The following ABCC11 variants were observed in gnomAD, a reference collection of about 807,000 sequenced individuals.
ABCC11 encodes the protein ATP-binding cassette sub-family C member 11.
In ABCC11, 135 loss-of-function variants were observed where a neutral mutation model predicts 149.3. That is an observed-to-expected ratio of 0.90 (90% confidence interval 0.79 to 1.04). The LOEUF (loss-of-function observed/expected upper bound fraction) is 1.04. Ranked by LOEUF, ABCC11 falls within the 50% of genes least tolerant of loss-of-function variation. The pLI is 0.00. For missense variants in ABCC11, 1,680 were observed against 1,722.1 expected, an observed-to-expected ratio of 0.98 and a Z score of 0.43; for synonymous variants, 665 against 671.4, an observed-to-expected ratio of 0.99 and a Z score of 0.15.
chr16:48,213,094 A>C (rs918547312), intron 10 of ABCC11, among the ~76,000 whole-genome samples: 3 of 152,262 alleles, frequency 2.0e-5, no homozygotes, highest in African/African-American at 7.2e-5. Context: ...CTGGGTTTTC[A>C]CATAAAATGT....
At chr16:48,185,902 C>T (rs141123427) in intron 22 of ABCC11, among the ~76,000 whole-genome samples, 1 of 152,306 alleles carries the variant, frequency 6.6e-6, no homozygotes, top group African/African-American at 2.4e-5. Context: ...TTTGCATTTA[C>T]TGTCCCCTCT....
At chr16:48,241,237 A>C (rs1970954400) in intron 1 of ABCC11, among the ~76,000 whole-genome samples, 1 of 152,134 alleles carries the variant, frequency 6.6e-6, no homozygotes, top group African/African-American at 2.4e-5. Context: ...CGTCCAGCCC[A>C]CAACATCTCT....
chr16:48,232,077 T>C, intron 1 of ABCC11, 138 bp from the exon 2 acceptor site: 1 of 1,445,172 alleles, frequency 6.9e-7, no homozygotes. Flanking sequence ...GGGTGCCTGC[T>C]CTTTCCTCTC....
chr16:48,183,021 A>G (rs548776207), intron 23 of ABCC11, among the ~76,000 whole-genome samples: 5 of 152,392 alleles, frequency 3.3e-5, no homozygotes, highest in Admixed American at 2.0e-4. Context: ...TAAATGCTCA[A>G]TGAATATTAG....
At chr16:48,171,053 G>T in intron 26 of ABCC11, 86 bp from the exon 27 acceptor site, 1 of 1,176,768 alleles carries the variant, frequency 8.5e-7, no homozygotes, top group Non-Finnish European at 1.3e-6. Flanking sequence ...GACCAAGAAT[G>T]TTTAGAACTG....
At chr16:48,194,047 C>T (rs1177789888) in intron 18 of ABCC11, 65 bp from the exon 19 acceptor site, 7 of 1,201,272 alleles carry the variant, frequency 5.8e-6, no homozygotes, top group Non-Finnish European at 8.6e-6. Context: ...GCTGACTCAG[C>T]TGCTCGGCCA....
Position 48,227,978 on chromosome 16 carries a change from C to A in ABCC11, c.237-14G>T. Reference sequence around the variant, plus strand: ...GGGGCAGGAAACCTAGTAGAGGGGCCACAAGGATAAGAATGAATTCAGGAT... The same window carrying A: ...GGGGCAGGAAACCTAGTAGAGGGGCAACAAGGATAAGAATGAATTCAGGAT... On this transcript the variant is annotated splice_polypyrimidine_tract_variant and intron_variant, in intron 3 of 29. Transcript: ENST00000356608. The A allele has an allele frequency of 6.2e-7, 1 of 1,600,990 alleles. No individual in the cohort carries two copies. The highest frequency in any genetic ancestry group is 1.7e-5 in the Admixed American group (1 of 58,062).
In ABCC11 at chr16:48,208,272, A is replaced by G. The variant is rs758513189; in HGVS notation, c.1680+153T>C. Among the ~76,000 whole-genome samples the G allele has an allele frequency of 2.6e-5, 4 of 152,220 alleles. No individual in the cohort carries two copies. In the East Asian group the frequency reaches 5.8e-4, roughly 22 times the overall value. Reference sequence around the variant, plus strand: ...CACCTTGATCACGCACCTCCCGCACAGTGCAAGCACAACCATTTTTGATTT... The same window carrying G: ...CACCTTGATCACGCACCTCCCGCACGGTGCAAGCACAACCATTTTTGATTT... On this transcript the variant is annotated intron_variant, in intron 12 of 29. Coordinates refer to ENST00000356608, the MANE Select transcript of ABCC11 (RefSeq NM_001370497.1).
In ABCC11 at chr16:48,205,528, G is replaced by T. The variant is rs1567519326; in HGVS notation, c.1690C>A (p.Leu564Ile). The change falls in exon 13 of 30, where the codon CTC becomes ATC. Residue 564 changes from leucine (L) to isoleucine (I), a missense_variant. Transcript: ENST00000356608. The part of the protein sequence containing the change: ...LSAILEEMHL[L>I]EGSVGVQGSL... ...CCCTGCACCCCCACCGAGCCCTCGAGCAAGTGCATCTGCGGCAGAATGAGT... is the reference window on the plus strand; with the variant it reads ...CCCTGCACCCCCACCGAGCCCTCGATCAAGTGCATCTGCGGCAGAATGAGT... 6.2e-7 allele frequency: 1 copy of T among 1,613,472 alleles called. No homozygotes were observed. The highest frequency in any genetic ancestry group is 1.7e-5 in the Admixed American group (1 of 59,974).
At chr16:48,176,291 G>T (rs1966066743) in intron 25 of ABCC11, among the ~76,000 whole-genome samples, 1 of 152,160 alleles carries the variant, frequency 6.6e-6, no homozygotes, top group Non-Finnish European at 1.5e-5. Context: ...GGGGACTGGG[G>T]ACAAGAACCA....
chr16:48,243,186 G>A (rs1261089869), intron 1 of ABCC11, among the ~76,000 whole-genome samples: 1 of 151,872 alleles, frequency 6.6e-6, no homozygotes, highest in African/African-American at 2.4e-5. Flanking sequence ...CAGATCACGA[G>A]GTCAGGAGAT....
chr16:48,167,424 G>C lies in ABCC11; in HGVS notation c.4057-58C>G, dbSNP rs901940819. 4.0e-5 allele frequency: 64 copies of C among 1,592,076 alleles called. No individual in the cohort carries two copies. In the East Asian group the frequency reaches 1.4e-3, roughly 35 times the overall value. On this transcript the variant is annotated intron_variant, in intron 29 of 29. Coordinates refer to ENST00000356608, the MANE Select transcript of ABCC11 (RefSeq NM_001370497.1). The stretch of plus-strand genomic sequence containing the variant: ...GGGCACAGCTGAGCTTGTGTCCTTG[G>C]AGGACTCAAAGGCATCTGGGGTAGC...
intron 14 of ABCC11, among the ~76,000 whole-genome samples, chr16:48,201,620 T>G (rs898090671): frequency 1.1e-4 from 17 of 151,962 alleles, no homozygotes; most frequent in African/African-American, 2.9e-4. Flanking sequence ...GTTTTTAATC[T>G]CCATTGACAG....
Position 48,216,172 on chromosome 16 carries a change from A to G in ABCC11, c.893T>C (p.Ile298Thr), listed in dbSNP as rs903591180. The G allele has an allele frequency of 1.2e-6, 2 of 1,614,122 alleles. No homozygotes were observed. The highest frequency in any genetic ancestry group is 2.7e-5 in the African/African-American group (2 of 74,950). The change falls in exon 7 of 30, where the codon ATT becomes ACT. Residue 298 changes from isoleucine to threonine, a missense_variant. Physicochemically the swap from Ile to Thr is moderately conservative, Grantham distance 89. Transcript: ENST00000356608. ...LVICSISSYFIIGYTAFIAIL... is the reference protein window; with the variant it reads ...LVICSISSYFTIGYTAFIAIL... ...GGCAATAAATGCAGTGTATCCAATA[A>G]TGAAGTAGGAAGAAATGCTGCAGAT...
chr16:48,239,093 C>T (rs1970832050), intron 1 of ABCC11, among the ~76,000 whole-genome samples: 1 of 151,914 alleles, frequency 6.6e-6, no homozygotes, highest in African/African-American at 2.4e-5. Flanking sequence ...CACCTACAAC[C>T]ACCTGATCTT....
rs1006128885 is a variant in ABCC11 at position 48,197,321 on chromosome 16, T to TA, written c.2314+649dup. ...CCTGGGCAACGGACCAAACTCTGTC[T>TA]AAAAAAAAAAGACTCAGTTGGAGAC... On this transcript the variant is annotated intron_variant, in intron 17 of 29. Transcript: ENST00000356608. Among the ~76,000 whole-genome samples the TA allele has an allele frequency of 2.0e-5, 3 of 148,282 alleles. No homozygotes were observed. In the East Asian group the frequency reaches 5.9e-4, roughly 29 times the overall value.
chr16:48,215,401 G>C (rs987970351), intron 7 of ABCC11, 57 bp from the exon 8 acceptor site: 1 of 1,578,258 alleles, frequency 6.3e-7, no homozygotes, highest in Admixed American at 1.7e-5. Flanking sequence ...CTTTGACAAG[G>C]GCAGGAGAGT....
At chr16:48,184,322 C>T in intron 23 of ABCC11, 118 bp downstream of exon 23, 1 of 1,251,718 alleles carries the variant, frequency 8.0e-7, no homozygotes, top group South Asian at 1.5e-5. Context: ...CCTAAGATCA[C>T]ACGTGGCCAG....
chr16:48,188,313 G>T (rs985115873), intron 20 of ABCC11, among the ~76,000 whole-genome samples: 3 of 152,168 alleles, frequency 2.0e-5, no homozygotes, highest in Admixed American at 6.5e-5. Flanking sequence ...GAACCCTCAT[G>T]GACTAAGCCC....
Sources: gnomAD v4.1 joint callset for allele counts (sites outside exome capture counted in the v4.1 genomes callset) on GRCh38, gnomAD v4.1.1 for gene constraint, MANE v1.5 for transcripts, NCBI Gene and HGNC (gene_info 2026-07-23, HGNC 2026-07-21) for gene names.